The following MRAS variants were observed in gnomAD, a reference collection of about 807,000 sequenced individuals.
MRAS encodes the protein muscle RAS oncogene homolog, also known as ras-related protein M-Ras.
MRAS carries 4 observed loss-of-function variants against 20.9 expected under a neutral mutation model. The ratio of observed to expected loss-of-function variants is 0.19; its 90% confidence interval spans 0.09 to 0.44. MRAS has a LOEUF of 0.44. Among genes scored for constraint, MRAS ranks in the 20% least tolerant of loss-of-function variants. MRAS has a pLI of 0.99. For synonymous variants in MRAS, 98 were observed against 102.9 expected (o/e 0.95, Z 0.29); for missense variants, 154 against 277.5 (o/e 0.56, Z 3.16).
intron 4 of MRAS, 59 bp downstream of exon 4, chr3:138,398,627 C>A: frequency 6.8e-7 from 1 of 1,467,832 alleles, no homozygotes; most frequent in South Asian, 1.1e-5. Flanking sequence ...GTAGCCTGGT[C>A]ACCCCTGCAG....
intron 2 of MRAS, among the ~76,000 whole-genome samples, chr3:138,387,891 C>G (rs942120850): frequency 1.3e-5 from 2 of 152,212 alleles, no homozygotes; most frequent in African/African-American, 4.8e-5. Flanking sequence ...GACCCCCTCA[C>G]TCCATTCCCC....
chr3:138,398,808 G>A (rs1281703483), intron 4 of MRAS, among the ~76,000 whole-genome samples: 1 of 152,206 alleles, frequency 6.6e-6, no homozygotes, highest in African/African-American at 2.4e-5. Flanking sequence ...GGGACCTGGG[G>A]GGATCATACA....
chr3:138,372,809 A>T (rs911636001), intron 1 of MRAS, 57 bp from the exon 2 acceptor site: 1 of 1,232,060 alleles, frequency 8.1e-7, no homozygotes. Context: ...ACATATGAAT[A>T]TTTTCCCCTA....
intron 2 of MRAS, among the ~76,000 whole-genome samples, chr3:138,377,796 G>C (rs1016592531): frequency 6.6e-6 from 1 of 152,260 alleles, no homozygotes; most frequent in Non-Finnish European, 1.5e-5. Context: ...GCACGATGAT[G>C]AGGAGAAGGA....
intron 2 of MRAS, among the ~76,000 whole-genome samples, chr3:138,393,667 G>C (rs960566033): frequency 1.2e-4 from 17 of 146,788 alleles, no homozygotes; most frequent in Non-Finnish European, 2.1e-4. Context: ...TATGAATTAC[G>C]ATATTGCCTT....
At chr3:138,367,146 G>A (rs2054576408) in intron 1 of MRAS, among the ~76,000 whole-genome samples, 1 of 152,160 alleles carries the variant, frequency 6.6e-6, no homozygotes, top group South Asian at 2.1e-4. Flanking sequence ...GGCTGTGGAT[G>A]GGGCAAGGAA....
intron 2 of MRAS, among the ~76,000 whole-genome samples, chr3:138,394,115 G>T (rs1298965649): frequency 6.7e-6 from 1 of 150,052 alleles, no homozygotes; most frequent in Non-Finnish European, 1.5e-5. Flanking sequence ...AAAAAAAGCT[G>T]CAGTCCCTCC....
intron 1 of MRAS, among the ~76,000 whole-genome samples, chr3:138,370,469 C>G (rs2054651479): frequency 6.6e-6 from 1 of 152,110 alleles, no homozygotes; most frequent in Non-Finnish European, 1.5e-5. Flanking sequence ...GGCCACCCCT[C>G]CCTCCCCATT....
chr3:138,394,248 T>C lies in MRAS; in HGVS notation c.194-3076T>C, dbSNP rs114961739. ...ATCCAGATGAAATAGTTCTAGGATA[T>C]CAGAGCTGTAAGGACCTGCTGGTCC... On this transcript the variant is annotated intron_variant, in intron 2 of 5. Coordinates refer to ENST00000423968, the MANE Select transcript of MRAS (RefSeq NM_001085049.3). Among the ~76,000 whole-genome samples the C allele has an allele frequency of 8.8e-3, 1,343 of 152,272 alleles. 15 individuals carry two copies. Among genetic ancestry groups the C allele is most frequent in the African/African-American group, 0.031 (1,298 of 41,542 alleles).
At chr3:138,392,107 C>T (rs1478689690) in intron 2 of MRAS, among the ~76,000 whole-genome samples, 1 of 152,126 alleles carries the variant, frequency 6.6e-6, no homozygotes, top group East Asian at 1.9e-4. Flanking sequence ...CACTGCACTC[C>T]AGCCTGGAGA....
intron 1 of MRAS, among the ~76,000 whole-genome samples, chr3:138,358,937 G>C (rs1440318870): frequency 2.6e-5 from 4 of 152,162 alleles, no homozygotes; most frequent in Admixed American, 2.0e-4. Context: ...CCTCCAGCTG[G>C]TGGCTGCTAC....
intron 2 of MRAS, among the ~76,000 whole-genome samples, chr3:138,385,497 T>A (rs959739821): frequency 2.7e-5 from 4 of 150,236 alleles, no homozygotes; most frequent in South Asian, 2.1e-4. Flanking sequence ...AGTTTTAAAA[T>A]ATATATATTT....
At chr3:138,399,196 A>T (rs1199322964) in intron 4 of MRAS, among the ~76,000 whole-genome samples, 5 of 152,340 alleles carry the variant, frequency 3.3e-5, no homozygotes, top group African/African-American at 1.2e-4. Flanking sequence ...CAAGTGCGTC[A>T]TTCTGAGCTC....
Position 138,363,822 on chromosome 3 carries a change from C to G in MRAS, c.-18-9044C>G, listed in dbSNP as rs1361284189. Among the ~76,000 whole-genome samples, 24 of 88,632 alleles carry G rather than the reference C, an allele frequency of 2.7e-4. No homozygotes were observed. The East Asian group carries it at 3.6e-3, about 13-fold the overall frequency. The allele number at this position is 88,632 out of a possible 152,430, so 58.1% of individuals were successfully genotyped here. On this transcript the variant is annotated intron_variant, in intron 1 of 5. Transcript: ENST00000423968. ...CATGTGACCTGTTAGAGGATTTACC[C>G]CCCCCCCCCCCCAAACCACAGGGTA...
chr3:138,361,498 C>T (rs565229965), intron 1 of MRAS, among the ~76,000 whole-genome samples: 1 of 152,186 alleles, frequency 6.6e-6, no homozygotes, highest in Non-Finnish European at 1.5e-5. Flanking sequence ...GCTGTTTGCA[C>T]TGCCAAGGGA....
chr3:138,395,407 C>A (rs1178226200), intron 2 of MRAS, among the ~76,000 whole-genome samples: 1 of 152,160 alleles, frequency 6.6e-6, no homozygotes, highest in Non-Finnish European at 1.5e-5. Flanking sequence ...GAAACTTACA[C>A]AGTGTGGCAG....
At chr3:138,363,748 C>A (rs2054498627) in intron 1 of MRAS, among the ~76,000 whole-genome samples, 1 of 151,332 alleles carries the variant, frequency 6.6e-6, no homozygotes, top group African/African-American at 2.4e-5. Context: ...CCAGTTTACT[C>A]CTCCTCATTT....
Position 138,404,335 on chromosome 3 carries a change from G to A in MRAS, c.*2066G>A, listed in dbSNP as rs1192546249. On this transcript the variant is annotated 3_prime_UTR_variant, in exon 6 of 6. Transcript: ENST00000423968. ...CCCTGCACACAGGGCAGTGTCCACA[G>A]CCAGAAAACTCCTGCTGGGCACCAA... is the stretch of plus-strand genomic sequence containing the variant. The A allele has an allele frequency of 1.3e-5, 2 of 152,230 alleles. No homozygotes were observed. The highest frequency in any genetic ancestry group is 6.5e-5 in the Admixed American group (1 of 15,278). 9.4% of individuals were successfully genotyped at this position (152,230 alleles called of 1,614,324 possible).
At chr3:138,362,791 G>C (rs758302764) in intron 1 of MRAS, among the ~76,000 whole-genome samples, 9 of 152,076 alleles carry the variant, frequency 5.9e-5, no homozygotes, top group African/African-American at 1.4e-4. Context: ...GGCAGGCACC[G>C]TGCGTGGTAT....
Sources: allele counts gnomAD v4.1 joint callset (sites outside exome capture counted in the v4.1 genomes callset), GRCh38; gene constraint gnomAD v4.1.1; transcripts MANE v1.5; gene names NCBI Gene and HGNC (gene_info 2026-07-23, HGNC 2026-07-21).